The following PRDM5 variants were observed in gnomAD, a reference collection of about 807,000 sequenced individuals.
The protein encoded by PRDM5 is PR/SET domain 5, also known as PR domain zinc finger protein 5.
PRDM5 carries 56 observed loss-of-function variants against 81.2 expected under a neutral mutation model. The ratio of observed to expected loss-of-function variants is 0.69; its 90% CI spans 0.56 to 0.86. The LOEUF (loss-of-function observed/expected upper bound fraction) is 0.86. Among genes scored for constraint, PRDM5 ranks in the 40% least tolerant of loss-of-function variants. The probability of loss-of-function intolerance (pLI) is 0.00; values close to 1 mark genes in which losing one functional copy is unlikely to be tolerated. For missense variants in PRDM5, 697 were observed against 770.1 expected (o/e 0.91, Z 1.12); for synonymous variants, 267 against 256.4 (o/e 1.04, Z -0.39).
intron 14 of PRDM5, among the ~76,000 whole-genome samples, chr4:120,713,330 G>T (rs1034725044): frequency 1.3e-5 from 2 of 151,984 alleles, no homozygotes; most frequent in Non-Finnish European, 2.9e-5. Context: ...TTATGCATGG[G>T]CAGTGACTTT....
chr4:120,861,294 T>C (rs1205443315), intron 2 of PRDM5, among the ~76,000 whole-genome samples: 1 of 152,140 alleles, frequency 6.6e-6, no homozygotes, highest in East Asian at 1.9e-4. Context: ...AGGCATGAGC[T>C]ATCATGACCA....
chr4:120,702,477 C>A (rs1735528958), intron 15 of PRDM5, among the ~76,000 whole-genome samples: 1 of 152,180 alleles, frequency 6.6e-6, no homozygotes, highest in African/African-American at 2.4e-5. Flanking sequence ...TTTTCCTTAA[C>A]AACACTTTCC....
At chr4:120,790,445 T>C (rs1446258810) in intron 10 of PRDM5, among the ~76,000 whole-genome samples, 1 of 152,200 alleles carries the variant, frequency 6.6e-6, no homozygotes, top group Admixed American at 6.5e-5. Flanking sequence ...CTAATATTAA[T>C]AACTCATATG....
At chr4:120,916,130 T>C (rs1724128181) in intron 1 of PRDM5, among the ~76,000 whole-genome samples, 1 of 152,176 alleles carries the variant, frequency 6.6e-6, no homozygotes, top group Admixed American at 6.5e-5. Context: ...GGTTCATGCC[T>C]GTAATCCCAG....
chr4:120,862,929 A>G (rs1289638609), intron 2 of PRDM5, among the ~76,000 whole-genome samples: 1 of 151,774 alleles, frequency 6.6e-6, no homozygotes, highest in Non-Finnish European at 1.5e-5. Context: ...GAGGCCAAGG[A>G]GGGTGACTCG....
At chr4:120,857,103 C>T (rs978795380) in intron 2 of PRDM5, among the ~76,000 whole-genome samples, 1 of 152,168 alleles carries the variant, frequency 6.6e-6, no homozygotes, top group African/African-American at 2.4e-5. Context: ...CACCTGTAAT[C>T]CCAGCACTTC....
intron 2 of PRDM5, among the ~76,000 whole-genome samples, chr4:120,891,023 C>T (rs1282497477): frequency 2.6e-5 from 4 of 152,164 alleles, no homozygotes; most frequent in Non-Finnish European, 5.9e-5. Flanking sequence ...TTGGTTATCA[C>T]ATCTTCATCA....
intron 13 of PRDM5, among the ~76,000 whole-genome samples, chr4:120,760,489 C>T (rs551385801): frequency 5.3e-5 from 8 of 152,070 alleles, no homozygotes; most frequent in Non-Finnish European, 1.0e-4. Flanking sequence ...ATTTAGTGAA[C>T]ACAGCAGCAT....
rs111242464 is a variant in PRDM5 at position 120,839,867 on chromosome 4, G to A, written c.300+13551C>T. ...ACTCATTGGTGCCCAAGTCTGCAGC[G>A]GGGGAGCTGAGGCAGCGGGGAGCTG... On this transcript the variant is annotated intron_variant, in intron 3 of 15. Coordinates refer to ENST00000264808, the MANE Select transcript of PRDM5 (RefSeq NM_018699.4). 6.4e-3 allele frequency among the ~76,000 whole-genome samples: 968 copies of A among 152,306 alleles called. 9 individuals are homozygous for A. The highest frequency in any genetic ancestry group is 0.023 in the South Asian group (111 of 4,826).
chr4:120,814,015 T>C lies in PRDM5; in HGVS notation c.865+2438A>G, dbSNP rs1754180176. Among the ~76,000 whole-genome samples the C allele has an allele frequency of 3.9e-5, 6 of 152,338 alleles. 1 individual carries two copies. The highest frequency in any genetic ancestry group is 3.9e-4 in the Admixed American group (6 of 15,298). The stretch of plus-strand genomic sequence containing the variant: ...CCAATCTTCAGTCTTCTCTCTCCTT[T>C]TCATGGCTTCTCCTCTTTTTCACCC... On this transcript the variant is annotated intron_variant, in intron 7 of 15. Coordinates refer to ENST00000264808, the MANE Select transcript of PRDM5 (RefSeq NM_018699.4).
At position 120,693,340 on chromosome 4, in the gene PRDM5, G is replaced by A. The variant is rs542290780; in HGVS notation, c.*1771C>T. 1 of 152,098 alleles carries A rather than the reference G, an allele frequency of 6.6e-6. No homozygotes were observed. Among genetic ancestry groups the A allele is most frequent in the South Asian group, 2.1e-4 (1 of 4,820 alleles). 9.4% of individuals were successfully genotyped at this position (152,098 alleles called of 1,614,324 possible). ...ATAATACACACTATCAAATTTTACA[G>A]CTGTCTTTTTATATTCAAATGATAT... On this transcript the variant is annotated 3_prime_UTR_variant, in exon 16 of 16. Transcript: ENST00000264808.
chr4:120,905,541 C>A (rs1188880389), intron 2 of PRDM5, among the ~76,000 whole-genome samples: 1 of 152,132 alleles, frequency 6.6e-6, no homozygotes, highest in Non-Finnish European at 1.5e-5. Flanking sequence ...TTAGTCACAG[C>A]CCTTAAGAGC....
intron 13 of PRDM5, among the ~76,000 whole-genome samples, chr4:120,774,962 GTA>G (rs1201277401): frequency 4.1e-5 from 6 of 147,820 alleles, no homozygotes; most frequent in Admixed American, 1.4e-4. Context: ...ATATGTATAT[GTA>G]TATATGTGTG....
chr4:120,799,137 G>A (rs764077023), intron 9 of PRDM5, among the ~76,000 whole-genome samples: 3 of 151,916 alleles, frequency 2.0e-5, no homozygotes, highest in Non-Finnish European at 2.9e-5. Context: ...GTAAAACAGA[G>A]CTATTCATAA....
intron 3 of PRDM5, among the ~76,000 whole-genome samples, chr4:120,836,971 T>C (rs1057296598): frequency 6.6e-6 from 1 of 152,164 alleles, no homozygotes; most frequent in Non-Finnish European, 1.5e-5. Flanking sequence ...ACAAGATTTA[T>C]ATAGAGTGAA....
chr4:120,902,194 T>C (rs1765304162), intron 2 of PRDM5, among the ~76,000 whole-genome samples: 1 of 152,144 alleles, frequency 6.6e-6, no homozygotes, highest in African/African-American at 2.4e-5. Flanking sequence ...GTAGCCACTT[T>C]AGAACAACTA....
chr4:120,754,679 T>C (rs751505148), intron 13 of PRDM5, 41 bp from the exon 14 acceptor site: 2 of 1,348,112 alleles, frequency 1.5e-6, no homozygotes, highest in African/African-American at 1.4e-5. Flanking sequence ...AAACATGAAG[T>C]AGCAGAACCA....
intron 14 of PRDM5, among the ~76,000 whole-genome samples, chr4:120,743,256 C>T (rs1014921509): frequency 6.6e-6 from 1 of 151,430 alleles, no homozygotes; most frequent in East Asian, 1.9e-4. Flanking sequence ...ACTAGGCCTG[C>T]CCTAAAAGAG....
At chr4:120,908,025 C>T (rs1226554631) in intron 1 of PRDM5, among the ~76,000 whole-genome samples, 1 of 152,198 alleles carries the variant, frequency 6.6e-6, no homozygotes, top group Non-Finnish European at 1.5e-5. Context: ...CATAAATAAA[C>T]TTTAAATTTG....
Sources: gnomAD v4.1 joint callset for allele counts (sites outside exome capture counted in the v4.1 genomes callset) on GRCh38, gnomAD v4.1.1 for gene constraint, MANE v1.5 for transcripts, NCBI Gene and HGNC (gene_info 2026-07-23, HGNC 2026-07-21) for gene names.